The following LYST variants were observed in gnomAD, a reference collection of about 807,000 sequenced individuals.
LYST encodes lysosomal-trafficking regulator.
LYST carries 192 observed loss-of-function variants against 413.6 expected under a neutral mutation model. That is an observed-to-expected ratio of 0.46 (90% confidence interval 0.41 to 0.52). LYST has a LOEUF of 0.52. Ranked by LOEUF, LYST falls within the 20% of genes least tolerant of loss-of-function variation. The probability of loss-of-function intolerance (pLI) is 0.00; values close to 1 mark genes in which losing one functional copy is unlikely to be tolerated. For synonymous variants in LYST, 1,525 were observed against 1,567.3 expected, an observed-to-expected ratio of 0.97 and a Z score of 0.64; for missense variants, 3,815 against 4,499.9, an observed-to-expected ratio of 0.85 and a Z score of 4.35.
chr1:235,792,304 T>C (rs1174548580), intron 11 of LYST, among the ~76,000 whole-genome samples, 179 bp from the exon 12 acceptor site: 1 of 152,154 alleles, frequency 6.6e-6, no homozygotes, highest in African/African-American at 2.4e-5. Flanking sequence ...TGAGATAAAA[T>C]ATGAAACAGA....
intron 28 of LYST, chr1:235,747,062 A>T: frequency 3.7e-6 from 1 of 273,188 alleles, no homozygotes; most frequent in Non-Finnish European, 7.3e-6. Context: ...TATTAAAATG[A>T]TTTAAAACAT....
chr1:235,716,061 A>G (rs1230442763), intron 41 of LYST, among the ~76,000 whole-genome samples: 5 of 152,200 alleles, frequency 3.3e-5, no homozygotes, highest in African/African-American at 1.2e-4. Context: ...CGCATTTTCA[A>G]CTGCTGAAGA....
intron 31 of LYST, among the ~76,000 whole-genome samples, chr1:235,740,755 A>G (rs1301294920): frequency 6.6e-6 from 1 of 152,252 alleles, no homozygotes; most frequent in Admixed American, 6.5e-5. Context: ...AAAAAGGCTG[A>G]CATAGATATT....
intron 50 of LYST, among the ~76,000 whole-genome samples, chr1:235,668,267 T>C (rs16832778): frequency 0.08 from 12,207 of 152,156 alleles, 1,591 homozygotes; most frequent in African/African-American, 0.27. Context: ...TCAAAATTTT[T>C]GATAGGTTAA....
At chr1:235,879,960 C>T (rs1681307570) in intron 1 of LYST, among the ~76,000 whole-genome samples, 1 of 152,214 alleles carries the variant, frequency 6.6e-6, no homozygotes, top group Admixed American at 6.5e-5. Flanking sequence ...TGATCTCGAA[C>T]TCCTGACCTC....
At chr1:235,865,854 A>C (rs1323134639) in intron 1 of LYST, among the ~76,000 whole-genome samples, 1 of 152,216 alleles carries the variant, frequency 6.6e-6, no homozygotes, top group Non-Finnish European at 1.5e-5. Context: ...AAACAATAGG[A>C]AAATGCAACC....
In LYST at chr1:235,697,272, T is replaced by A; in HGVS notation, c.10375A>T (p.Ser3459Cys). The A allele has an allele frequency of 6.2e-7, 1 of 1,611,516 alleles. No individual in the cohort carries two copies. The highest frequency in any genetic ancestry group is 8.5e-7 in the Non-Finnish European group (1 of 1,178,130). ...AAGCCTTTTATCCATGACAAAGGAC[T>A]CTAAAATGAAGAAAAATAAAAAGTA... ...REQVKEITYP[S>C]PLSWIKGLKW... Residue 3459 changes from serine to cysteine, a missense_variant and splice_region_variant, in exon 46 of 53, where the codon AGT becomes TGT. Ser to Cys is a moderately radical substitution (Grantham distance 112, BLOSUM62 -1). This residue lies in a region of LYST where 866 missense variants were observed against 1,156.0 expected (regional missense o/e 0.75). Transcript: ENST00000389793.
intron 34 of LYST, among the ~76,000 whole-genome samples, chr1:235,732,709 T>C (rs116541593): frequency 0.013 from 1,966 of 152,316 alleles, 46 homozygotes; most frequent in African/African-American, 0.044. Flanking sequence ...TCTAGCAATA[T>C]TGAATATTTT....
At chr1:235,823,941 G>A (rs542287326) in intron 3 of LYST, among the ~76,000 whole-genome samples, 1 of 152,324 alleles carries the variant, frequency 6.6e-6, no homozygotes, top group Non-Finnish European at 1.5e-5. Context: ...TCTAGCAGAG[G>A]TGCTGGGCCA....
intron 3 of LYST, among the ~76,000 whole-genome samples, chr1:235,820,932 A>G (rs1278005341): frequency 1.5e-4 from 23 of 151,942 alleles, no homozygotes; most frequent in Non-Finnish European, 5.9e-5. Flanking sequence ...TTTGCCTTAT[A>G]CTCTACAACT....
At position 235,801,117 on chromosome 1, in the gene LYST, A is replaced by C. The variant is rs753593464; in HGVS notation, c.3713-20T>G. The C allele has an allele frequency of 7.0e-7, 1 of 1,425,040 alleles. No individual in the cohort carries two copies. 88.3% of individuals were successfully genotyped at this position (1,425,040 alleles called of 1,614,324 possible). ...CTACCCCTGAAAAGAGAAAAGCGAA[A>C]GATTACTTGTATTCCCTAAACACTA... On this transcript the variant is annotated intron_variant, in intron 8 of 52. Coordinates refer to ENST00000389793, the MANE Select transcript of LYST (RefSeq NM_000081.4).
chr1:235,677,076 T>C lies in LYST; in HGVS notation c.11038+15A>G. 6.2e-7 allele frequency: 1 copy of C among 1,601,512 alleles called. No homozygotes were observed. The highest frequency in any genetic ancestry group is 8.6e-7 in the Non-Finnish European group (1 of 1,168,616). On this transcript the variant is annotated intron_variant, in intron 50 of 52. Transcript: ENST00000389793. Reference sequence around the variant, plus strand: ...GCACCAGCCAGCCCTGTGCTTTGGGTTGGAGCAAGCTCACCTGAATCACAC... The same window carrying C: ...GCACCAGCCAGCCCTGTGCTTTGGGCTGGAGCAAGCTCACCTGAATCACAC...
chr1:235,690,940 A>G (rs10802933), intron 47 of LYST, among the ~76,000 whole-genome samples: 117,471 of 150,760 alleles, frequency 0.78, 46,649 homozygotes, highest in African/African-American at 0.94. Context: ...CCCTTGAGAC[A>G]GAGTCTCGTT....
rs777198826 is a variant in LYST, at chr1:235,730,870, G to A, written c.9021C>T (p.Asp3007=). 1.2e-6 allele frequency: 2 copies of A among 1,611,872 alleles called. No homozygotes were observed. The highest frequency in any genetic ancestry group is 1.7e-6 in the Non-Finnish European group (2 of 1,178,022). ...ACCTTATAGATTCACTTGCAGCTTT[G>A]TCTTTGACAGTAGAAGAGAAAGAAG... is the stretch of plus-strand genomic sequence containing the variant. ...THSSFSSTVK[D]KAASESIRVN... Residue 3007 remains aspartate, a synonymous_variant, in exon 36 of 53, where the codon GAC becomes GAT. Transcript: ENST00000389793.
intron 34 of LYST, 120 bp from the exon 35 acceptor site, chr1:235,731,297 A>C: frequency 1.2e-6 from 1 of 854,620 alleles, no homozygotes; most frequent in South Asian, 1.4e-5. Flanking sequence ...TAAAAACTCC[A>C]AATGTTTATA....
chr1:235,677,372 G>T, intron 49 of LYST, 108 bp downstream of exon 49: 1 of 1,280,054 alleles, frequency 7.8e-7, no homozygotes, highest in South Asian at 1.2e-5. Flanking sequence ...TGTGTTTCAT[G>T]GTTAAAATGA....
chr1:235,787,533 T>C (rs1373277937), intron 13 of LYST, among the ~76,000 whole-genome samples, 160 bp from the exon 14 acceptor site: 3 of 152,188 alleles, frequency 2.0e-5, no homozygotes, highest in Non-Finnish European at 2.9e-5. Context: ...TTTTATACCA[T>C]AAGTTACTTA....
chr1:235,771,925 T>G (rs1204649023), intron 19 of LYST, among the ~76,000 whole-genome samples: 31 of 146,042 alleles, frequency 2.1e-4, no homozygotes, highest in African/African-American at 6.0e-4. Flanking sequence ...TTGTTTTTTT[T>G]TTTTTTTTTT....
At chr1:235,799,287 C>G (rs990942946) in intron 10 of LYST, among the ~76,000 whole-genome samples, 5 of 151,862 alleles carry the variant, frequency 3.3e-5, no homozygotes, top group African/African-American at 1.2e-4. Flanking sequence ...TTTCATAATA[C>G]TAAAATTAGT....
Sources: allele counts gnomAD v4.1 joint callset (sites outside exome capture counted in the v4.1 genomes callset), GRCh38; gene constraint gnomAD v4.1.1; regional missense constraint gnomAD v4.1.1; transcripts MANE v1.5; gene names NCBI Gene and HGNC (gene_info 2026-07-23, HGNC 2026-07-21).